The following UNC13C variants were observed in gnomAD, a reference collection of about 807,000 sequenced individuals.
The protein encoded by UNC13C is protein unc-13 homolog C.
Under a neutral mutation model 245.4 loss-of-function variants are expected in UNC13C, and 174 were observed. The ratio of observed to expected loss-of-function variants is 0.71; its 90% CI spans 0.63 to 0.80. UNC13C has a LOEUF of 0.80. UNC13C is among the 30% of genes least tolerant of loss of function. The pLI is 0.00. For synonymous variants in UNC13C, 992 were observed against 895.1 expected (o/e 1.11, Z -1.93); for missense variants, 2,829 against 2,602.9 (o/e 1.09, Z -1.89).
Position 54,105,353 on chromosome 15 carries a change from A to G in UNC13C, c.2984-37665A>G, listed in dbSNP as rs577735238. 3.9e-5 allele frequency among the ~76,000 whole-genome samples: 6 copies of G among 152,238 alleles called. No homozygotes were observed. In the South Asian group the frequency reaches 1.2e-3, roughly 32 times the overall value. ...GCTTTCAGCTCCTTTCTCTAGGCCCACAATTCTTCCCACCTGCTGCATCTC... is the reference window on the plus strand; with the variant it reads ...GCTTTCAGCTCCTTTCTCTAGGCCCGCAATTCTTCCCACCTGCTGCATCTC... On this transcript the variant is annotated intron_variant, in intron 2 of 32. Transcript: ENST00000260323.
At chr15:54,458,680 C>CT (rs79291504) in intron 19 of UNC13C, among the ~76,000 whole-genome samples, 17,679 of 65,060 alleles carry the variant, frequency 0.27, 3,429 homozygotes, top group Middle Eastern at 0.4. Context: ...CCTTTAAGGT[C>CT]TTTTTTTTTT....
chr15:54,237,592 A>C (rs773273023), intron 6 of UNC13C, 27 bp from the exon 7 acceptor site: 96 of 1,585,488 alleles, frequency 6.1e-5, no homozygotes, highest in Non-Finnish European at 7.9e-5. Flanking sequence ...CCTATGTATT[A>C]ATAAGTCATA....
At position 54,579,731 on chromosome 15, in the gene UNC13C, C is replaced by G. The variant is rs140990477; in HGVS notation, c.6106+11784C>G. On this transcript the variant is annotated intron_variant, in intron 30 of 32. Coordinates refer to ENST00000260323, the MANE Select transcript of UNC13C (RefSeq NM_001080534.3). ...CCGAGATCACGCCACTGCACTCCAGCCTGGGCGACAGAGCAAGACTCTGTC... is the reference window on the plus strand; with the variant it reads ...CCGAGATCACGCCACTGCACTCCAGGCTGGGCGACAGAGCAAGACTCTGTC... 4.3e-3 allele frequency among the ~76,000 whole-genome samples: 655 copies of G among 152,238 alleles called. 13 individuals carry two copies. Among genetic ancestry groups the G allele is most frequent in the Admixed American group, 0.033 (500 of 15,286 alleles).
In UNC13C at chr15:54,085,115, A is replaced by T. The variant is rs189124850; in HGVS notation, c.2984-57903A>T. On this transcript the variant is annotated intron_variant, in intron 2 of 32. Transcript: ENST00000260323. ...AGTATTGGTAGAAGAGTAATTTGGA[A>T]TAACCCTCCTTATGGAGGGAGATTA... Among the ~76,000 whole-genome samples, 5 of 152,308 alleles carry T rather than the reference A, an allele frequency of 3.3e-5. No individual in the cohort carries two copies. In the East Asian group the frequency reaches 9.6e-4, roughly 29 times the overall value.
the UNC13C span, chr15:53,948,487 A>C: frequency 6.6e-6 from 1 of 151,964 alleles, no homozygotes; most frequent in South Asian, 2.1e-4. Context: ...GGTCACAGGC[A>C]CCTGTAATCC....
intron 2 of UNC13C, among the ~76,000 whole-genome samples, chr15:54,020,278 C>CTT (rs1184092756): frequency 2.2e-5 from 3 of 139,272 alleles, no homozygotes; most frequent in African/African-American, 2.6e-5. Flanking sequence ...TTCTTTTTTT[C>CTT]TTTTTTTTTT....
At chr15:53,994,192 A>C (rs1894515455) in intron 1 of UNC13C, among the ~76,000 whole-genome samples, 1 of 151,848 alleles carries the variant, frequency 6.6e-6, no homozygotes, top group African/African-American at 2.4e-5. Context: ...CCACAATAAG[A>C]ATATCAAATT....
intron 2 of UNC13C, among the ~76,000 whole-genome samples, chr15:54,131,880 T>C (rs2031437809): frequency 6.6e-6 from 1 of 152,098 alleles, no homozygotes; most frequent in Admixed American, 6.5e-5. Context: ...TTTGAAATCC[T>C]TTTTACTCTG....
intron 16 of UNC13C, among the ~76,000 whole-genome samples, chr15:54,337,623 T>C (rs1300513836): frequency 6.6e-6 from 1 of 152,246 alleles, no homozygotes; most frequent in Non-Finnish European, 1.5e-5. Context: ...TTTCTAATTC[T>C]ACCACCTTGA....
At chr15:54,038,140 T>TTTTTTTC (rs1555406257) in intron 2 of UNC13C, among the ~76,000 whole-genome samples, 5 of 127,572 alleles carry the variant, frequency 3.9e-5, no homozygotes, top group African/African-American at 1.3e-4. Context: ...TTTTTTTTTT[T>TTTTTTTC]CCTGAGACAG....
the UNC13C span, among the ~76,000 whole-genome samples, chr15:53,901,992 A>G: frequency 6.6e-6 from 1 of 151,476 alleles, no homozygotes; most frequent in Non-Finnish European, 1.5e-5. Context: ...CCTCAATGGA[A>G]GAAATGACCT....
chr15:53,852,642 G>T, the UNC13C span, among the ~76,000 whole-genome samples: 1 of 152,130 alleles, frequency 6.6e-6, no homozygotes, highest in Non-Finnish European at 1.5e-5. Flanking sequence ...CCATGCTGCT[G>T]TCTGGTAATT....
intron 2 of UNC13C, among the ~76,000 whole-genome samples, chr15:54,078,431 A>G (rs541590132): frequency 3.6e-4 from 55 of 152,288 alleles, no homozygotes; most frequent in African/African-American, 1.3e-3. Flanking sequence ...TTCATAGAAG[A>G]TGAGCTAATT....
At chr15:53,875,902 G>C in the UNC13C span, among the ~76,000 whole-genome samples, 1 of 152,158 alleles carries the variant, frequency 6.6e-6, no homozygotes, top group Admixed American at 6.5e-5. Flanking sequence ...TGACACTGAA[G>C]TGTCAATGTT....
At chr15:54,555,317 G>T in intron 28 of UNC13C, 115 bp from the exon 29 acceptor site, 1 of 745,876 alleles carries the variant, frequency 1.3e-6, no homozygotes, top group Non-Finnish European at 2.3e-6. Context: ...TTCAGGTGCA[G>T]AAGATATTTC....
chr15:54,091,331 C>T (rs1296738962), intron 2 of UNC13C, among the ~76,000 whole-genome samples: 1 of 152,202 alleles, frequency 6.6e-6, no homozygotes, highest in East Asian at 1.9e-4. Context: ...TGCAGAGCTT[C>T]AATTCCATTC....
intron 2 of UNC13C, among the ~76,000 whole-genome samples, chr15:54,038,124 A>T (rs59019536): frequency 0.48 from 21,857 of 45,344 alleles, 6,288 homozygotes; most frequent in East Asian, 0.61. Context: ...ATATATATAT[A>T]TTTTTTTTTT....
chr15:54,196,868 TAACAGTAAAAAACTGA>T (rs2034369911), intron 4 of UNC13C, among the ~76,000 whole-genome samples: 1 of 152,152 alleles, frequency 6.6e-6, no homozygotes, highest in Non-Finnish European at 1.5e-5. Flanking sequence ...CAGTCATGCT[TAACAGTAAAAAACTGA>T]AATATTTACT....
intron 1 of UNC13C, among the ~76,000 whole-genome samples, chr15:54,008,917 G>T (rs1042459536): frequency 1.3e-5 from 2 of 152,092 alleles, no homozygotes; most frequent in Admixed American, 6.5e-5. Context: ...CATATAATAG[G>T]CATAATAATG....
Sources: gnomAD v4.1 joint callset for allele counts (sites outside exome capture counted in the v4.1 genomes callset) on GRCh38, gnomAD v4.1.1 for gene constraint, MANE v1.5 for transcripts, NCBI Gene and HGNC (gene_info 2026-07-23, HGNC 2026-07-21) for gene names.